Variants in RPS19 observed in about 807,000 individuals in gnomAD.
RPS19 encodes the protein ribosomal protein S19, also known as small ribosomal subunit protein eS19.
A neutral mutation model predicts 20.3 loss-of-function variants in RPS19; 1 was observed. The observed-to-expected ratio is 0.05, with a 90% CI of 0.02 to 0.23. The LOEUF (loss-of-function observed/expected upper bound fraction) is 0.23. RPS19 is among the 10% of genes least tolerant of loss of function. The pLI is 1.00. For missense variants in RPS19, 111 were observed against 192.7 expected, an observed-to-expected ratio of 0.58 and a Z score of 2.51; for synonymous variants, 87 against 74.8, an observed-to-expected ratio of 1.16 and a Z score of -0.84.
chr19:41,871,314 C>T (rs1275437907), intron 5 of RPS19, 37 bp from the exon 6 acceptor site: 3 of 1,611,266 alleles, frequency 1.9e-6, no homozygotes, highest in Non-Finnish European at 2.5e-6. Flanking sequence ...GCAGAGACCC[C>T]CTTGACTAAC....
intron 1 of RPS19, 153 bp from the exon 2 acceptor site, chr19:41,860,622 A>G (rs2074017905): frequency 3.9e-6 from 3 of 760,040 alleles, no homozygotes; most frequent in African/African-American, 3.4e-5. Flanking sequence ...TCAGACCCGC[A>G]GGAGCCGGAG....
In RPS19 at chr19:41,871,651, G is replaced by T; in HGVS notation, c.*274G>T. 2.2e-6 allele frequency: 1 copy of T among 455,918 alleles called. No individual in the cohort carries two copies. Among genetic ancestry groups the T allele is most frequent in the Non-Finnish European group, 4.0e-6 (1 of 249,414 alleles). The allele number at this position is 455,918 out of a possible 1,614,324, so 28.2% of individuals were successfully genotyped here. A position where few individuals can be genotyped will look rare whatever the true frequency, so the allele number is the denominator to read the frequency against. On this transcript the variant is annotated 3_prime_UTR_variant, in exon 6 of 6. Transcript: ENST00000598742. ...CGCTTCCTCCCTTCCCTTGGGTGAGGGGGCCCAGGGTGATTGGGTGGCTGT... is the reference window on the plus strand; with the variant it reads ...CGCTTCCTCCCTTCCCTTGGGTGAGTGGGCCCAGGGTGATTGGGTGGCTGT...
At chr19:41,862,689 C>G (rs1353991170) in intron 3 of RPS19, among the ~76,000 whole-genome samples, 1 of 150,602 alleles carries the variant, frequency 6.6e-6, no homozygotes, top group East Asian at 1.9e-4. Context: ...GGCATTAAGA[C>G]CTTGGATAAT....
intron 3 of RPS19, 88 bp from the exon 4 acceptor site, chr19:41,868,943 C>T: frequency 7.5e-7 from 1 of 1,342,178 alleles, no homozygotes; most frequent in East Asian, 2.3e-5. Flanking sequence ...TCTTATAAAA[C>T]AGTGAGAATT....
chr19:41,866,019 C>T (rs554380414), intron 3 of RPS19, among the ~76,000 whole-genome samples: 50 of 150,876 alleles, frequency 3.3e-4, no homozygotes, highest in Admixed American at 1.5e-3. Flanking sequence ...TTTGGGAGGC[C>T]GAGGCGGGCG....
At chr19:41,860,937 A>G (rs1600608317) in intron 2 of RPS19, 92 bp downstream of exon 2, 3 of 1,276,148 alleles carry the variant, frequency 2.4e-6, no homozygotes, top group Non-Finnish European at 3.4e-6. Context: ...CTGGCAGGCG[A>G]GGCTTGTTTG....
intron 3 of RPS19, among the ~76,000 whole-genome samples, chr19:41,868,098 G>A (rs951493575): frequency 1.3e-5 from 2 of 152,216 alleles, no homozygotes; most frequent in Non-Finnish European, 2.9e-5. Context: ...CTAGAGGAAA[G>A]AAATCACTAG....
At chr19:41,868,706 G>C (rs79420097) in intron 3 of RPS19, among the ~76,000 whole-genome samples, 4 of 152,078 alleles carry the variant, frequency 2.6e-5, no homozygotes, top group Non-Finnish European at 5.9e-5. Context: ...CTGCTTCTCT[G>C]GGGCCCATGG....
intron 2 of RPS19, 79 bp downstream of exon 2, chr19:41,860,924 TC>T (rs35686174): frequency 0.5 from 668,716 of 1,335,482 alleles, 172,079 homozygotes; most frequent in Middle Eastern, 0.69. Context: ...TGTTTGCCGG[TC>T]CCTGGCAGGC....
At chr19:41,861,853 C>G (rs781805592) in intron 3 of RPS19, among the ~76,000 whole-genome samples, 1 of 152,210 alleles carries the variant, frequency 6.6e-6, no homozygotes, top group Non-Finnish European at 1.5e-5. Context: ...CCTGCAACCT[C>G]GTGCCAGCCC....
chr19:41,861,925 C>T (rs1354683506), intron 3 of RPS19, among the ~76,000 whole-genome samples: 3 of 152,208 alleles, frequency 2.0e-5, no homozygotes, highest in Admixed American at 1.3e-4. Flanking sequence ...TTAGTTCTCA[C>T]GTGTCTTAAT....
Position 41,872,525 on chromosome 19 carries a change from G to A in RPS19, c.*1148G>A, listed in dbSNP as rs2074160078. On this transcript the variant is annotated 3_prime_UTR_variant, in exon 6 of 6. Coordinates refer to ENST00000598742, the MANE Select transcript of RPS19 (RefSeq NM_001022.4). Reference sequence around the variant, plus strand: ...TAACTCCTGAGAGACTGGACAAGATGCCGTGGAGAGCCTTGGCTCTGAGTA... The same window carrying A: ...TAACTCCTGAGAGACTGGACAAGATACCGTGGAGAGCCTTGGCTCTGAGTA... 6.6e-6 allele frequency: 1 copy of A among 152,342 alleles called. No individual in the cohort carries two copies. The highest frequency in any genetic ancestry group is 2.4e-5 in the African/African-American group (1 of 41,476). 9.4% of individuals were successfully genotyped at this position (152,342 alleles called of 1,614,324 possible). A position where few individuals can be genotyped will look rare whatever the true frequency, so the allele number is the denominator to read the frequency against.
intron 5 of RPS19, among the ~76,000 whole-genome samples, chr19:41,870,849 C>CTTTTTTTTTTTTTTTTTTTTTTTTTTTTT (rs35987051): frequency 2.3e-5 from 1 of 44,024 alleles, no homozygotes; most frequent in African/African-American, 9.2e-5. Context: ...CACTCCCTTC[C>CTTTTTTTTTTTTTTTTTTTTTTTTTTTTT]TTTTTTTTTT....
chr19:41,860,537 G>A, intron 1 of RPS19: 1 of 562,332 alleles, frequency 1.8e-6, no homozygotes, highest in Non-Finnish European at 3.2e-6. Context: ...GAGTGGGGTC[G>A]CGCAGGATCC....
Position 41,872,850 on chromosome 19 carries a change from G to C in RPS19, c.*1473G>C, listed in dbSNP as rs1275100037. On this transcript the variant is annotated 3_prime_UTR_variant, in exon 6 of 6. Coordinates refer to ENST00000598742, the MANE Select transcript of RPS19 (RefSeq NM_001022.4). ...GCGGAGGTTGCAGTGGGTTGAGATC[G>C]AGCAATTGCAATCCAGCCTGGGCAA... 1 of 152,268 alleles carries C rather than the reference G, an allele frequency of 6.6e-6. No individual in the cohort carries two copies. Among genetic ancestry groups the C allele is most frequent in the Non-Finnish European group, 1.5e-5 (1 of 68,024 alleles). 9.4% of individuals were successfully genotyped at this position (152,268 alleles called of 1,614,324 possible).
At chr19:41,866,408 G>T (rs1213062506) in intron 3 of RPS19, among the ~76,000 whole-genome samples, 1 of 152,238 alleles carries the variant, frequency 6.6e-6, no homozygotes, top group Non-Finnish European at 1.5e-5. Flanking sequence ...GGGTATTTGA[G>T]CTGGTCTGAA....
chr19:41,869,261 C>G (rs201042410), intron 4 of RPS19, 47 bp downstream of exon 4: 4 of 1,533,752 alleles, frequency 2.6e-6, no homozygotes, highest in Non-Finnish European at 3.6e-6. Flanking sequence ...CCTTGAGGCC[C>G]GGTCATCAAT....
rs781799643 is a variant in RPS19 at position 41,860,787 on chromosome 19, A to C, written c.13A>C (p.Thr5Pro). The C allele has an allele frequency of 1.9e-6, 3 of 1,613,770 alleles. No individual in the cohort carries two copies. Among genetic ancestry groups the C allele is most frequent in the Non-Finnish European group, 2.5e-6 (3 of 1,179,622 alleles). The part of the protein sequence containing the change: MPGV[T>P]VKDVNQQEFV... ...CTTTCTCCCTCAGATGCCTGGAGTT[A>C]CTGTAAAAGACGTGAACCAGCAGGA... The change falls in exon 2 of 6, where the codon ACT (threonine) becomes CCT (proline). Residue 5 changes from threonine to proline, a missense_variant. Transcript: ENST00000598742.
rs2074139987 is a variant in RPS19, at chr19:41,870,848, C to CTTTTTTTTTTTTTTTTTT, written c.412-503_412-502insTTTTTTTTTTTTTTTTTT. On this transcript the variant is annotated intron_variant, in intron 5 of 5. Transcript: ENST00000598742. ...TTGGACTCCACTCCGCCACTCCCTT[C>CTTTTTTTTTTTTTTTTTT]CTTTTTTTTTTTTTTTTTTTTTTTT... 2.1e-4 allele frequency among the ~76,000 whole-genome samples: 18 copies of CTTTTTTTTTTTTTTTTTT among 85,762 alleles called. 4 individuals are homozygous for CTTTTTTTTTTTTTTTTTT. The highest frequency in any genetic ancestry group is 2.2e-4 in the African/African-American group (5 of 22,538). 56.3% of individuals were successfully genotyped at this position (85,762 alleles called of 152,430 possible).
Sources: allele counts gnomAD v4.1 joint callset (sites outside exome capture counted in the v4.1 genomes callset), GRCh38; gene constraint gnomAD v4.1.1; transcripts MANE v1.5; gene names NCBI Gene and HGNC (gene_info 2026-07-23, HGNC 2026-07-21).